The following LCLAT1 variants were observed in gnomAD, a reference collection of about 807,000 sequenced individuals.
The protein encoded by LCLAT1 is lysocardiolipin acyltransferase 1.
LCLAT1 carries 11 observed loss-of-function variants against 30.7 expected under a neutral mutation model. The observed-to-expected ratio is 0.36, with a 90% CI of 0.23 to 0.59. The LOEUF (loss-of-function observed/expected upper bound fraction) is 0.59. Ranked by LOEUF, LCLAT1 falls within the 20% of genes least tolerant of loss-of-function variation. The probability of loss-of-function intolerance (pLI) is 0.77; values close to 1 mark genes in which losing one functional copy is unlikely to be tolerated. For synonymous variants in LCLAT1, 155 were observed against 151.3 expected, an observed-to-expected ratio of 1.02 and a Z score of -0.18; for missense variants, 402 against 458.6, an observed-to-expected ratio of 0.88 and a Z score of 1.13.
At chr2:30,588,282 A>T (rs1409717210) in intron 5 of LCLAT1, among the ~76,000 whole-genome samples, 1 of 152,080 alleles carries the variant, frequency 6.6e-6, no homozygotes, top group African/African-American at 2.4e-5. Flanking sequence ...CTTTTAATTC[A>T]AATCTTCTTT....
At chr2:30,619,544 T>C (rs571228384) in intron 5 of LCLAT1, among the ~76,000 whole-genome samples, 1 of 152,334 alleles carries the variant, frequency 6.6e-6, no homozygotes, top group South Asian at 2.1e-4. Flanking sequence ...CTCATGCACC[T>C]ATTTTTAAAA....
At position 30,568,102 on chromosome 2, in the gene LCLAT1, G is replaced by T; in HGVS notation, c.554G>T (p.Gly185Val). The change falls in exon 5 of 6, where the codon GGA (glycine) becomes GTA (valine). Residue 185 changes from glycine (G) to valine (V), a missense_variant. Coordinates refer to ENST00000379509, the MANE Select transcript of LCLAT1 (RefSeq NM_001002257.3). ...SRSNAFAEKN[G>V]LQKYEYVLHP... ...AGTAATGCATTTGCTGAAAAAAATGGACTTCAGAAATATGAATATGTTTTA... is the reference window on the plus strand; with the variant it reads ...AGTAATGCATTTGCTGAAAAAAATGTACTTCAGAAATATGAATATGTTTTA... 6.2e-7 allele frequency: 1 copy of T among 1,607,530 alleles called. No homozygotes were observed. The highest frequency in any genetic ancestry group is 8.5e-7 in the Non-Finnish European group (1 of 1,176,234).
intron 1 of LCLAT1, among the ~76,000 whole-genome samples, chr2:30,517,530 C>G (rs1685239236): frequency 6.6e-6 from 1 of 152,228 alleles, no homozygotes; most frequent in Admixed American, 6.5e-5. Context: ...GGCCTTAGAA[C>G]TGGTAACCCA....
chr2:30,551,575 C>T (rs1664681267), intron 3 of LCLAT1, among the ~76,000 whole-genome samples: 1 of 152,152 alleles, frequency 6.6e-6, no homozygotes, highest in African/African-American at 2.4e-5. Flanking sequence ...GTTTAAAGGA[C>T]ACAAATTTAT....
In LCLAT1 at chr2:30,640,718, T is replaced by G; in HGVS notation, c.*99T>G. 7.6e-7 allele frequency: 1 copy of G among 1,320,022 alleles called. No individual in the cohort carries two copies. Among genetic ancestry groups the G allele is most frequent in the Non-Finnish European group, 1.0e-6 (1 of 969,296 alleles). 81.8% of individuals were successfully genotyped at this position (1,320,022 alleles called of 1,614,324 possible). A position where few individuals can be genotyped will look rare whatever the true frequency, so the allele number is the denominator to read the frequency against. On this transcript the variant is annotated 3_prime_UTR_variant, in exon 6 of 6. Transcript: ENST00000379509. ...ATTTTTGCATGACTATGTCGAATAT[T>G]TCTTACTGCCATCATTATTTGTTAA...
intron 1 of LCLAT1, among the ~76,000 whole-genome samples, chr2:30,505,085 C>G (rs1452055692): frequency 6.6e-6 from 1 of 152,134 alleles, no homozygotes; most frequent in Non-Finnish European, 1.5e-5. Flanking sequence ...TAATTTAGCT[C>G]TCTCCCCATC....
chr2:30,509,573 CT>C (rs531196453), intron 1 of LCLAT1, among the ~76,000 whole-genome samples: 21 of 149,088 alleles, frequency 1.4e-4, no homozygotes, highest in Middle Eastern at 3.4e-3. Flanking sequence ...AAGCAGAATA[CT>C]TTTTTTTTTT....
chr2:30,515,164 C>A (rs1038468790), intron 1 of LCLAT1, among the ~76,000 whole-genome samples: 1 of 152,174 alleles, frequency 6.6e-6, no homozygotes, highest in Non-Finnish European at 1.5e-5. Flanking sequence ...CTCTCCCCTC[C>A]CACAACCACT....
intron 5 of LCLAT1, among the ~76,000 whole-genome samples, chr2:30,613,243 A>T (rs1667825817): frequency 6.6e-6 from 1 of 152,150 alleles, no homozygotes. Context: ...ATGGGCAGCC[A>T]CTGGGGAGAA....
At chr2:30,557,708 C>T (rs1012579070) in intron 3 of LCLAT1, among the ~76,000 whole-genome samples, 1 of 152,108 alleles carries the variant, frequency 6.6e-6, no homozygotes, top group African/African-American at 2.4e-5. Flanking sequence ...AGCCACTGTG[C>T]CCTGCCCACA....
intron 5 of LCLAT1, among the ~76,000 whole-genome samples, chr2:30,572,646 A>T (rs566868137): frequency 1.3e-5 from 2 of 152,246 alleles, no homozygotes; most frequent in East Asian, 1.9e-4. Context: ...TCCAGTGCTC[A>T]TGTTCTTTCC....
At chr2:30,559,300 C>T (rs955358824) in intron 3 of LCLAT1, among the ~76,000 whole-genome samples, 4 of 152,150 alleles carry the variant, frequency 2.6e-5, no homozygotes, top group Non-Finnish European at 4.4e-5. Context: ...ATTAAGCTCT[C>T]TACCTATATA....
chr2:30,475,317 A>G (rs2148298703), intron 1 of LCLAT1, among the ~76,000 whole-genome samples: 1 of 152,196 alleles, frequency 6.6e-6, no homozygotes, highest in South Asian at 2.1e-4. Flanking sequence ...GGAAACTTAT[A>G]ATTTTCTTTT....
At chr2:30,559,971 G>C (rs1325813635) in intron 3 of LCLAT1, among the ~76,000 whole-genome samples, 4 of 152,158 alleles carry the variant, frequency 2.6e-5, no homozygotes, top group Non-Finnish European at 5.9e-5. Flanking sequence ...GGTAGATACT[G>C]TTGCATTGTG....
chr2:30,540,136 G>A (rs924843810), intron 3 of LCLAT1, among the ~76,000 whole-genome samples: 8 of 152,144 alleles, frequency 5.3e-5, no homozygotes, highest in Non-Finnish European at 1.2e-4. Context: ...CAAAACAGTC[G>A]TTAACAGTTG....
chr2:30,595,387 A>T (rs1047040234), intron 5 of LCLAT1, among the ~76,000 whole-genome samples: 1 of 152,034 alleles, frequency 6.6e-6, no homozygotes, highest in African/African-American at 2.4e-5. Flanking sequence ...TCTTGAGTGT[A>T]ATTATGTGCC....
chr2:30,487,052 G>A (rs1683591585), intron 1 of LCLAT1, among the ~76,000 whole-genome samples: 1 of 152,078 alleles, frequency 6.6e-6, no homozygotes, highest in South Asian at 2.1e-4. Context: ...TATTTACTAG[G>A]TATTGTTAAC....
intron 1 of LCLAT1, among the ~76,000 whole-genome samples, chr2:30,484,764 G>A (rs1553359259): frequency 6.7e-6 from 1 of 149,934 alleles, no homozygotes; most frequent in Non-Finnish European, 1.5e-5. Context: ...AGTAACATTT[G>A]ACAGTTTTAA....
chr2:30,458,091 T>C (rs2148267148), intron 1 of LCLAT1, among the ~76,000 whole-genome samples: 1 of 152,066 alleles, frequency 6.6e-6, no homozygotes, highest in African/African-American at 2.4e-5. Flanking sequence ...AGGTTGTAAG[T>C]TTCACTGGCA....
Sources: gnomAD v4.1 joint callset for allele counts (sites outside exome capture counted in the v4.1 genomes callset) on GRCh38, gnomAD v4.1.1 for gene constraint, MANE v1.5 for transcripts, NCBI Gene and HGNC (gene_info 2026-07-23, HGNC 2026-07-21) for gene names.